The following CALHM6 variants were observed in gnomAD, a reference collection of about 807,000 sequenced individuals.
CALHM6 encodes the protein calcium homeostasis modulator family member 6.
In CALHM6, 15 loss-of-function variants were observed where a neutral mutation model predicts 12.7. That is an observed-to-expected ratio of 1.18 (90% CI 0.79 to 1.82). The LOEUF (loss-of-function observed/expected upper bound fraction) is 1.82. CALHM6 is among the 40% of genes most tolerant of loss of function. The pLI is 0.00. For missense variants in CALHM6, 434 were observed against 421.0 expected (o/e 1.03, Z -0.27); for synonymous variants, 212 against 193.7 (o/e 1.09, Z -0.78).
Position 116,461,939 on chromosome 6 carries a change from T to C in CALHM6, c.10T>C (p.Phe4Leu), listed in dbSNP as rs61742007. The change falls in exon 2 of 3, where the codon TTT becomes CTT. Residue 4 changes from phenylalanine (F) to leucine (L), a missense_variant. By Grantham distance (22) the Phe-to-Leu change is conservative. Coordinates refer to ENST00000368605, the MANE Select transcript of CALHM6 (RefSeq NM_001010919.3). MEK[F>L]RAVLDLHVKH... ...CCGGGGGACGAGGCTCATGGAGAAG[T>C]TTCGGGCGGTGCTGGACCTGCACGT... The C allele has an allele frequency of 6.9e-4, 1,050 of 1,513,702 alleles. 5 individuals carry two copies. The African/African-American group carries it at 0.013, about 19-fold the overall frequency. 93.8% of individuals were successfully genotyped at this position (1,513,702 alleles called of 1,614,324 possible).
Position 116,462,277 on chromosome 6 carries a change from G to A in CALHM6, c.348G>A (p.Val116=). The A allele has an allele frequency of 7.2e-7, 1 of 1,380,088 alleles. No homozygotes were observed. The allele number at this position is 1,380,088 out of a possible 1,614,324, so 85.5% of individuals were successfully genotyped here. The part of the protein sequence containing the change: ...AALAPLTWVA[V]ALLGGAFYEC... Reference sequence around the variant, plus strand: ...TCGCGCCCCTCACCTGGGTGGCCGTGGCGCTGCTCGGGGGCGCCTTTTACG... The same window carrying A: ...TCGCGCCCCTCACCTGGGTGGCCGTAGCGCTGCTCGGGGGCGCCTTTTACG... The change falls in exon 2 of 3, where the codon GTG becomes GTA. Residue 116 remains valine, a synonymous_variant. Coordinates refer to ENST00000368605, the MANE Select transcript of CALHM6 (RefSeq NM_001010919.3).
Position 116,461,878 on chromosome 6 carries a change from G to A in CALHM6, c.-52G>A. 3 of 1,425,442 alleles carry A rather than the reference G, an allele frequency of 2.1e-6. No homozygotes were observed. The highest frequency in any genetic ancestry group is 2.8e-6 in the Non-Finnish European group (3 of 1,085,152). The allele number at this position is 1,425,442 out of a possible 1,614,324, so 88.3% of individuals were successfully genotyped here. A position where few individuals can be genotyped will look rare whatever the true frequency, so the allele number is the denominator to read the frequency against. ...AAAACCATTTGACAAGCAGGACAAC[G>A]AAGAGGCAGAAGGATCTGGGCCTGT... On this transcript the variant is annotated 5_prime_UTR_variant, in exon 2 of 3. Transcript: ENST00000368605.
At chr6:116,462,596 T>A (rs743853) in intron 2 of CALHM6, 142 bp downstream of exon 2, 3 of 532,006 alleles carry the variant, frequency 5.6e-6, no homozygotes, top group Non-Finnish European at 9.8e-6. Flanking sequence ...TTGCATCTAA[T>A]TTGCCGTCAA....
At position 116,462,128 on chromosome 6, in the gene CALHM6, G is replaced by A. The variant is rs1307850163; in HGVS notation, c.199G>A (p.Gly67Ser). Residue 67 changes from glycine to serine, a missense_variant, in exon 2 of 3, where the codon GGC (glycine) becomes AGC (serine). Coordinates refer to ENST00000368605, the MANE Select transcript of CALHM6 (RefSeq NM_001010919.3). ...LVPALALFLL[G>S]YVLSARTWRL... The stretch of plus-strand genomic sequence containing the variant: ...GCCGGCGCTCGCGCTCTTCCTCCTG[G>A]GCTACGTGCTGAGCGCACGCACGTG... 1.3e-6 allele frequency: 2 copies of A among 1,539,262 alleles called. No homozygotes were observed. Among genetic ancestry groups the A allele is most frequent in the Non-Finnish European group, 1.7e-6 (2 of 1,145,880 alleles).
intron 1 of CALHM6, 30 bp downstream of exon 1, chr6:116,461,459 G>C: frequency 6.5e-7 from 1 of 1,546,512 alleles, no homozygotes; most frequent in Non-Finnish European, 8.7e-7. Flanking sequence ...ATAATTATTT[G>C]GTTTTACTGT....
In CALHM6 at chr6:116,462,434, G is replaced by A. The variant is rs891470152; in HGVS notation, c.505G>A (p.Asp169Asn). The A allele has an allele frequency of 6.7e-7, 1 of 1,501,874 alleles. No homozygotes were observed. Among genetic ancestry groups the A allele is most frequent in the Admixed American group, 2.2e-5 (1 of 45,012 alleles). 93.0% of individuals were successfully genotyped at this position (1,501,874 alleles called of 1,614,324 possible). The change falls in exon 2 of 3, where the codon GAT becomes AAT. Residue 169 changes from aspartate (D) to asparagine (N), a missense_variant. Transcript: ENST00000368605. ...KASDVQDLLK[D>N]LKAQSQVLGW... The stretch of plus-strand genomic sequence containing the variant: ...GTCGGACGTGCAGGACCTCCTGAAG[G>A]ATCTGAAGGCTCAGTCGCAGGTCTG...
chr6:116,461,789 C>CT, intron 1 of CALHM6, 83 bp from the exon 2 acceptor site: 2 of 615,502 alleles, frequency 3.2e-6, no homozygotes, highest in South Asian at 3.1e-5. Context: ...GCCCTCTTCC[C>CT]TTTAAAAAAA....
chr6:116,463,655 G>A lies in CALHM6; in HGVS notation c.898G>A (p.Val300Ile), dbSNP rs562628191. 6.2e-7 allele frequency: 1 copy of A among 1,613,396 alleles called. No individual in the cohort carries two copies. The highest frequency in any genetic ancestry group is 1.7e-5 in the Admixed American group (1 of 59,870). The part of the protein sequence containing the change: ...RSTEGDTVIP[V>I]LGFVDSSGIN... ...TACTGAAGGAGATACGGTGATTCCTGTTCTTGGCTTTGTAGATTCATCTGG... is the reference window on the plus strand; with the variant it reads ...TACTGAAGGAGATACGGTGATTCCTATTCTTGGCTTTGTAGATTCATCTGG... Residue 300 changes from valine (V) to isoleucine (I), a missense_variant, in exon 3 of 3, where the codon GTT becomes ATT. Coordinates refer to ENST00000368605, the MANE Select transcript of CALHM6 (RefSeq NM_001010919.3).
rs1179069204 is a variant in CALHM6 at position 116,462,188 on chromosome 6, G to T, written c.259G>T (p.Ala87Ser). 10 of 1,510,810 alleles carry T rather than the reference G, an allele frequency of 6.6e-6. No homozygotes were observed. The East Asian group carries it at 2.3e-4, about 35-fold the overall frequency. The allele number at this position is 1,510,810 out of a possible 1,614,324, so 93.6% of individuals were successfully genotyped here. The change falls in exon 2 of 3, where the codon GCG becomes TCG. Residue 87 changes from alanine to serine, a missense_variant. Coordinates refer to ENST00000368605, the MANE Select transcript of CALHM6 (RefSeq NM_001010919.3). ...LLTGCCSSAR[A>S]SCGSALRGSL... ...CACCGGATGCTGCTCCAGCGCCCGC[G>T]CGAGTTGCGGATCGGCGCTGCGCGG...
Position 116,461,953 on chromosome 6 carries a change from G to A in CALHM6, c.24G>A (p.Leu8=). ...TCATGGAGAAGTTTCGGGCGGTGCT[G>A]GACCTGCACGTCAAGCACCACAGCG... MEKFRAV[L]DLHVKHHSAL... The change falls in exon 2 of 3, where the codon CTG becomes CTA. Residue 8 remains leucine, a synonymous_variant. Transcript: ENST00000368605. The A allele has an allele frequency of 6.5e-7, 1 of 1,539,814 alleles. No homozygotes were observed. Among genetic ancestry groups the A allele is most frequent in the Non-Finnish European group, 8.8e-7 (1 of 1,140,246 alleles).
intron 2 of CALHM6, 28 bp from the exon 3 acceptor site, chr6:116,463,255 A>C: frequency 6.4e-7 from 1 of 1,558,128 alleles, no homozygotes; most frequent in Non-Finnish European, 8.7e-7. Context: ...CAAGTAACTA[A>C]ATTACTATTT....
rs1204787591 is a variant in CALHM6 at position 116,462,224 on chromosome 6, T to A, written c.295T>A (p.Cys99Ser). ...CGSALRGSLVCTQISAAAALA... is the reference protein window; with the variant it reads ...CGSALRGSLVSTQISAAAALA... ...ATCGGCGCTGCGCGGCTCCCTGGTG[T>A]GCACGCAAATCAGCGCGGCCGCCGC... The change falls in exon 2 of 3, where the codon TGC (cysteine) becomes AGC (serine). Residue 99 changes from cysteine to serine, a missense_variant. Physicochemically the swap from Cys to Ser is moderately radical, Grantham distance 112. Transcript: ENST00000368605. The A allele has an allele frequency of 4.9e-6, 7 of 1,415,850 alleles. No individual in the cohort carries two copies. In the Admixed American group the frequency reaches 1.5e-4, roughly 30 times the overall value. 87.7% of individuals were successfully genotyped at this position (1,415,850 alleles called of 1,614,324 possible).
At chr6:116,463,191 A>G (rs1784817212) in intron 2 of CALHM6, 92 bp from the exon 3 acceptor site, 1 of 1,241,836 alleles carries the variant, frequency 8.1e-7, no homozygotes, top group South Asian at 1.5e-5. Flanking sequence ...CATCATCATA[A>G]CTGGCGAGTA....
chr6:116,461,811 G>GAAAAAAA (rs1784774850), intron 1 of CALHM6, 61 bp from the exon 2 acceptor site: 1 of 580,754 alleles, frequency 1.7e-6, no homozygotes, highest in African/African-American at 2.9e-5. Context: ...AAAAAAAAAG[G>GAAAAAAA]CTGCTTCTCG....
Position 116,463,730 on chromosome 6 carries a change from A to G in CALHM6, c.*25A>G. On this transcript the variant is annotated 3_prime_UTR_variant, in exon 3 of 3. Transcript: ENST00000368605. ...ACCTTTTGAATGAGTAGAAAAAAAA[A>G]TTGTTTTGAATTATTGCTTTATTAA... is the stretch of plus-strand genomic sequence containing the variant. 1 of 1,463,898 alleles carries G rather than the reference A, an allele frequency of 6.8e-7. No individual in the cohort carries two copies. The highest frequency in any genetic ancestry group is 1.4e-5 in the African/African-American group (1 of 70,568). 90.7% of individuals were successfully genotyped at this position (1,463,898 alleles called of 1,614,324 possible).
chr6:116,462,006 T>C lies in CALHM6; in HGVS notation c.77T>C (p.Leu26Pro). The change falls in exon 2 of 3, where the codon CTG (leucine) becomes CCG (proline). Residue 26 changes from leucine (L) to proline (P), a missense_variant. Physicochemically the swap from Leu to Pro is moderately conservative, Grantham distance 98. Transcript: ENST00000368605. Reference sequence around the variant, plus strand: ...TTGGGCTACGGCCTGGTGACCCTGCTGACGGCGGGCGGGGAGCGCATCTTC... The same window carrying C: ...TTGGGCTACGGCCTGGTGACCCTGCCGACGGCGGGCGGGGAGCGCATCTTC... ...SALGYGLVTL[L>P]TAGGERIFSA... 1 of 1,548,968 alleles carries C rather than the reference T, an allele frequency of 6.5e-7. No homozygotes were observed. Among genetic ancestry groups the C allele is most frequent in the Non-Finnish European group, 8.7e-7 (1 of 1,146,124 alleles).
chr6:116,462,088 G>T lies in CALHM6; in HGVS notation c.159G>T (p.Leu53=). 1.3e-6 allele frequency: 2 copies of T among 1,546,016 alleles called. No individual in the cohort carries two copies. Among genetic ancestry groups the T allele is most frequent in the Non-Finnish European group, 1.7e-6 (2 of 1,146,020 alleles). Residue 53 remains leucine (L), a synonymous_variant, in exon 2 of 3, where the codon CTG becomes CTT. Coordinates refer to ENST00000368605, the MANE Select transcript of CALHM6 (RefSeq NM_001010919.3). ...CCGCCTGGAACCTGCCCTACGGCCT[G>T]GTCTTCTTGCTGGTGCCGGCGCTCG... ...CSAAWNLPYG[L]VFLLVPALAL...
Position 116,463,303 on chromosome 6 carries a change from A to T in CALHM6, c.546A>T (p.Ile182=), listed in dbSNP as rs931125614. Residue 182 remains isoleucine, a synonymous_variant, in exon 3 of 3, where the codon ATA becomes ATT. Transcript: ENST00000368605. ...TTAAGGTGTTGGGCTGGATCTTGAT[A>T]GCAGTTGTTATCATCATTCTTCTGA... is the stretch of plus-strand genomic sequence containing the variant. ...AQSQVLGWIL[I]AVVIIILLIF... 4 of 1,613,200 alleles carry T rather than the reference A, an allele frequency of 2.5e-6. No individual in the cohort carries two copies. Among genetic ancestry groups the T allele is most frequent in the Non-Finnish European group, 3.4e-6 (4 of 1,179,478 alleles).
In CALHM6 at chr6:116,462,118, C is replaced by G. The variant is rs768059640; in HGVS notation, c.189C>G (p.Leu63=). ...TCTTGCTGGTGCCGGCGCTCGCGCT[C>G]TTCCTCCTGGGCTACGTGCTGAGCG... is the stretch of plus-strand genomic sequence containing the variant. ...LVFLLVPALA[L]FLLGYVLSAR... The change falls in exon 2 of 3, where the codon CTC becomes CTG. Residue 63 remains leucine (L), a synonymous_variant. Transcript: ENST00000368605. 1 of 1,541,132 alleles carries G rather than the reference C, an allele frequency of 6.5e-7. No homozygotes were observed. Among genetic ancestry groups the G allele is most frequent in the South Asian group, 1.2e-5 (1 of 83,842 alleles).
Sources: gnomAD v4.1 joint callset for allele counts on GRCh38, gnomAD v4.1.1 for gene constraint, MANE v1.5 for transcripts, NCBI Gene and HGNC (gene_info 2026-07-23, HGNC 2026-07-21) for gene names.